Variants in ANO3 observed in about 807,000 individuals in gnomAD.
ANO3 encodes anoctamin-3.
Under a neutral mutation model 144.8 loss-of-function variants are expected in ANO3, and 99 were observed. That is an observed-to-expected ratio of 0.68 (90% CI 0.58 to 0.81). The LOEUF (loss-of-function observed/expected upper bound fraction) is 0.81. Among genes scored for constraint, ANO3 ranks in the 30% least tolerant of loss-of-function variants. The pLI, the probability that ANO3 is intolerant of heterozygous loss-of-function variation, is 0.00. For missense variants in ANO3, 905 were observed against 1,202.2 expected (o/e 0.75, Z 3.66); for synonymous variants, 414 against 392.6 (o/e 1.05, Z -0.64).
chr11:26,350,287 C>T (rs2133911662), intron 1 of ANO3, among the ~76,000 whole-genome samples: 1 of 152,212 alleles, frequency 6.6e-6, no homozygotes, highest in South Asian at 2.1e-4. Flanking sequence ...TGGTGGGCCC[C>T]GCACAAGTAT....
chr11:26,634,344 G>A (rs373984349), intron 19 of ANO3, 29 bp downstream of exon 19: 30 of 1,408,570 alleles, frequency 2.1e-5, no homozygotes, highest in South Asian at 3.5e-5. Flanking sequence ...CATTATCTTC[G>A]CAGAGTGAAA....
At chr11:26,569,363 TTTA>T (rs1850727790) in intron 14 of ANO3, among the ~76,000 whole-genome samples, 1 of 152,108 alleles carries the variant, frequency 6.6e-6, no homozygotes, top group South Asian at 2.1e-4. Context: ...TATTCAGAAA[TTTA>T]TACACTACAG....
chr11:26,609,749 A>T (rs1241236391), intron 17 of ANO3, among the ~76,000 whole-genome samples: 1 of 152,178 alleles, frequency 6.6e-6, no homozygotes, highest in Non-Finnish European at 1.5e-5. Flanking sequence ...CTTTGGATAT[A>T]TACCCAGTAG....
intron 14 of ANO3, among the ~76,000 whole-genome samples, chr11:26,566,535 A>G (rs1850591215): frequency 6.6e-6 from 1 of 152,024 alleles, no homozygotes; most frequent in Non-Finnish European, 1.5e-5. Context: ...TTTTCATTTC[A>G]TGATGTCCTT....
chr11:26,498,562 A>C (rs1257113707), intron 4 of ANO3, among the ~76,000 whole-genome samples: 6 of 149,946 alleles, frequency 4.0e-5, no homozygotes, highest in Non-Finnish European at 7.4e-5. Flanking sequence ...TAATAATAAT[A>C]ATATAATTAT....
intron 1 of ANO3, among the ~76,000 whole-genome samples, chr11:26,215,086 T>C (rs1397408516): frequency 6.6e-6 from 1 of 151,988 alleles, no homozygotes; most frequent in African/African-American, 2.4e-5. Context: ...GAAATTAATC[T>C]TAACCACCTG....
intron 4 of ANO3, among the ~76,000 whole-genome samples, chr11:26,503,949 T>C (rs910062469): frequency 6.6e-6 from 1 of 152,208 alleles, no homozygotes. Context: ...GGTCTTCTCA[T>C]TGAACAACAT....
rs769751189 is a variant in ANO3, at chr11:26,656,479, G to C, written c.2761G>C (p.Glu921Gln). ...TAGATTGGCCTTCATTATTGTGTTT[G>C]AGGTTAGTCACAAGCTGAGATGAAA... is the stretch of plus-strand genomic sequence containing the variant. ...AARLAFIIVF[E>Q]HLVFGIKSFI... Residue 921 changes from glutamate to glutamine, a missense_variant and splice_region_variant, in exon 26 of 27, where the codon GAG (glutamate) becomes CAG (glutamine). Transcript: ENST00000256737. 4.4e-6 allele frequency: 7 copies of C among 1,579,144 alleles called. No homozygotes were observed. Among genetic ancestry groups the C allele is most frequent in the Non-Finnish European group, 6.1e-6 (7 of 1,148,944 alleles).
At chr11:26,468,582 G>T (rs1859679391) in intron 4 of ANO3, among the ~76,000 whole-genome samples, 1 of 151,954 alleles carries the variant, frequency 6.6e-6, no homozygotes, top group African/African-American at 2.4e-5. Flanking sequence ...TGGAGAAGGT[G>T]AGAAAGAGAT....
intron 3 of ANO3, among the ~76,000 whole-genome samples, chr11:26,450,770 C>T (rs1401870076): frequency 6.6e-6 from 1 of 152,152 alleles, no homozygotes; most frequent in African/African-American, 2.4e-5. Flanking sequence ...GATCTACTCA[C>T]ACATTTAAAA....
At chr11:26,559,875 C>CAG (rs1554969838) in intron 14 of ANO3, 96 bp downstream of exon 14, 2 of 786,824 alleles carry the variant, frequency 2.5e-6, no homozygotes, top group Non-Finnish European at 4.2e-6. Flanking sequence ...CACACACACA[C>CAG]CATGAATCAA....
intron 1 of ANO3, among the ~76,000 whole-genome samples, chr11:26,247,973 C>T (rs375363897): frequency 1.7e-4 from 26 of 151,754 alleles, no homozygotes; most frequent in Middle Eastern, 3.4e-3. Context: ...CCTCGTGATC[C>T]GCCCGCCTCG....
intron 4 of ANO3, among the ~76,000 whole-genome samples, chr11:26,502,199 A>G (rs953470218): frequency 6.6e-6 from 1 of 152,224 alleles, no homozygotes; most frequent in South Asian, 2.1e-4. Context: ...TAAAATCGCA[A>G]TGTAAATGAA....
intron 17 of ANO3, among the ~76,000 whole-genome samples, chr11:26,616,419 A>G (rs1370627418): frequency 6.7e-6 from 1 of 148,970 alleles, no homozygotes; most frequent in Non-Finnish European, 1.5e-5. Context: ...CCTTTAAAGG[A>G]ACATCCTGCG....
intron 1 of ANO3, among the ~76,000 whole-genome samples, chr11:26,324,953 G>A (rs1854848087): frequency 6.6e-6 from 1 of 152,108 alleles, no homozygotes; most frequent in South Asian, 2.1e-4. Context: ...CTGAACCCAT[G>A]GGAAAGGAAA....
At chr11:26,242,687 A>T (rs1852687896) in intron 1 of ANO3, among the ~76,000 whole-genome samples, 2 of 152,202 alleles carry the variant, frequency 1.3e-5, no homozygotes, top group South Asian at 4.1e-4. Flanking sequence ...GGAAATACTA[A>T]TTCTGCTATT....
intron 3 of ANO3, chr11:26,460,097 T>C (rs1311433062): frequency 6.6e-6 from 3 of 454,374 alleles, no homozygotes; most frequent in Non-Finnish European, 1.3e-5. Flanking sequence ...AAACAAACCA[T>C]ATCCAAGTCA....
chr11:26,458,824 T>C (rs954243932), intron 3 of ANO3, among the ~76,000 whole-genome samples: 5 of 152,162 alleles, frequency 3.3e-5, no homozygotes, highest in African/African-American at 1.2e-4. Context: ...TTTATACATA[T>C]AAATGTATAC....
intron 1 of ANO3, among the ~76,000 whole-genome samples, chr11:26,195,409 G>A (rs946933993): frequency 6.6e-6 from 1 of 152,126 alleles, no homozygotes; most frequent in Non-Finnish European, 1.5e-5. Context: ...TTTGTTCCCA[G>A]TCCGGACAAA....
Sources: gnomAD v4.1 joint callset for allele counts (sites outside exome capture counted in the v4.1 genomes callset) on GRCh38, gnomAD v4.1.1 for gene constraint, MANE v1.5 for transcripts, NCBI Gene and HGNC (gene_info 2026-07-23, HGNC 2026-07-21) for gene names.